Variants in ARPC1B observed in about 807,000 individuals in gnomAD.
The protein encoded by ARPC1B is actin related protein 2/3 complex subunit 1B.
A neutral mutation model predicts 46.0 loss-of-function variants in ARPC1B; 29 were observed. That is an observed-to-expected ratio of 0.63 (90% CI 0.47 to 0.86). The LOEUF (loss-of-function observed/expected upper bound fraction) is 0.86, where lower values mean the gene tolerates loss of function less well. Ranked by LOEUF, ARPC1B falls within the 40% of genes least tolerant of loss-of-function variation. The probability of loss-of-function intolerance (pLI) is 0.00; values close to 1 mark genes in which losing one functional copy is unlikely to be tolerated. For synonymous variants in ARPC1B, 201 were observed against 213.9 expected, an observed-to-expected ratio of 0.94 and a Z score of 0.53; for missense variants, 469 against 529.4, an observed-to-expected ratio of 0.89 and a Z score of 1.12.
chr7:99,380,539 T>G (rs938869468), intron 1 of ARPC1B, among the ~76,000 whole-genome samples: 1 of 152,208 alleles, frequency 6.6e-6, no homozygotes, highest in African/African-American at 2.4e-5. Flanking sequence ...GTCACTAGTG[T>G]ACCACTGTGG....
chr7:99,375,663 A>T (rs944883401), intron 1 of ARPC1B, among the ~76,000 whole-genome samples: 2 of 152,170 alleles, frequency 1.3e-5, no homozygotes, highest in African/African-American at 4.8e-5. Flanking sequence ...TGGCTCACAC[A>T]TAGAATCCTA....
At position 99,374,778 on chromosome 7, in the gene ARPC1B, G is replaced by T. The variant is rs2150882314; in HGVS notation, c.-17G>T. On this transcript the variant is annotated 5_prime_UTR_variant, in exon 1 of 10. Transcript: ENST00000646101. This position sits in a 1 kb window ranked among gnomAD's most constrained non-coding sequence, Gnocchi z 5.0. ...GCCCAGAGTCCGCGGCCGGGGCGCG[G>T]GAGGTGAGGGCCGTGGGGGCGCCCG... 1 of 152,130 alleles carries T rather than the reference G, an allele frequency of 6.6e-6. No individual in the cohort carries two copies. The highest frequency in any genetic ancestry group is 1.5e-5 in the Non-Finnish European group (1 of 68,016). The allele number at this position is 152,130 out of a possible 1,614,324, so 9.4% of individuals were successfully genotyped here. A position where few individuals can be genotyped will look rare whatever the true frequency, so the allele number is the denominator to read the frequency against.
chr7:99,379,384 T>C (rs1794140078), intron 1 of ARPC1B, among the ~76,000 whole-genome samples: 1 of 152,120 alleles, frequency 6.6e-6, no homozygotes, highest in South Asian at 2.1e-4. Context: ...TGACCCAGCA[T>C]AGGAAGTTGA....
rs960643003 is a variant in ARPC1B, at chr7:99,385,753, C to G, written c.39C>G (p.Cys13Trp). ...GCTTCCTGGTGGAGCCCATCAGCTG[C>G]CACGCCTGGAACAAGGACCGCACCC... ...YHSFLVEPISCHAWNKDRTQI... is the reference protein window; with the variant it reads ...YHSFLVEPISWHAWNKDRTQI... The change falls in exon 2 of 10, where the codon TGC becomes TGG. Residue 13 changes from cysteine (C) to tryptophan (W), a missense_variant. By Grantham distance (215) the Cys-to-Trp change is radical. Transcript: ENST00000646101. The G allele has an allele frequency of 1.2e-6, 2 of 1,610,896 alleles. No individual in the cohort carries two copies. The highest frequency in any genetic ancestry group is 1.7e-6 in the Non-Finnish European group (2 of 1,179,418).
Position 99,394,035 on chromosome 7 carries a change from C to G in ARPC1B, c.996C>G (p.Ile332Met), listed in dbSNP as rs1349002459. 52 of 1,612,950 alleles carry G rather than the reference C, an allele frequency of 3.2e-5. No individual in the cohort carries two copies. The highest frequency in any genetic ancestry group is 4.4e-5 in the Non-Finnish European group (52 of 1,180,028). ...CTCCTCTTCCTCTTTGCAGCCAGAT[C>G]TCGGTGCTCAGCGGCGGCAAGGCCA... ...DSLHKNSVSQ[I>M]SVLSGGKAKC... is the part of the protein sequence containing the mutation. The change falls in exon 9 of 10, where the codon ATC becomes ATG. Residue 332 changes from isoleucine (I) to methionine (M), a missense_variant. Coordinates refer to ENST00000646101, the MANE Select transcript of ARPC1B (RefSeq NM_005720.4).
chr7:99,391,550 G>A (rs1253882714), intron 7 of ARPC1B, among the ~76,000 whole-genome samples: 1 of 151,932 alleles, frequency 6.6e-6, no homozygotes, highest in African/African-American at 2.4e-5. Context: ...TTTGAGACCA[G>A]CCCGGGCAAC....
chr7:99,385,722 A>C lies in ARPC1B; in HGVS notation c.8A>C (p.Tyr3Ser). Residue 3 changes from tyrosine (Y) to serine (S), a missense_variant, in exon 2 of 10, where the codon TAC becomes TCC. By Grantham distance (144) the Tyr-to-Ser change is moderately radical. Transcript: ENST00000646101. The part of the protein sequence containing the change: MA[Y>S]HSFLVEPISC... ...CACAGGAGCCAAGCCGCCATGGCCT[A>C]CCACAGCTTCCTGGTGGAGCCCATC... The C allele has an allele frequency of 6.2e-7, 1 of 1,610,728 alleles. No individual in the cohort carries two copies. Among genetic ancestry groups the C allele is most frequent in the Non-Finnish European group, 8.5e-7 (1 of 1,179,356 alleles).
chr7:99,394,468 G>A lies in ARPC1B; in HGVS notation c.1098G>A (p.Leu366=). The change falls in exon 10 of 10, where the codon TTG becomes TTA. Residue 366 remains leucine (L), a synonymous_variant. Transcript: ENST00000646101. ...IWDVKSLESA[L]KDLKIK Reference sequence around the variant, plus strand: ...CCCTGCAGAGCTTGGAGTCAGCCTTGAAGGACCTCAAGATCAAATGACCTG... The same window carrying A: ...CCCTGCAGAGCTTGGAGTCAGCCTTAAAGGACCTCAAGATCAAATGACCTG... 9 of 1,614,116 alleles carry A rather than the reference G, an allele frequency of 5.6e-6. No individual in the cohort carries two copies. The highest frequency in any genetic ancestry group is 7.6e-6 in the Non-Finnish European group (9 of 1,180,024).
chr7:99,389,784 C>T, intron 4 of ARPC1B, 121 bp from the exon 5 acceptor site: 2 of 853,406 alleles, frequency 2.3e-6, no homozygotes, highest in Non-Finnish European at 3.8e-6. Context: ...GCCCAGTCGC[C>T]TCTCTCCTGG....
intron 1 of ARPC1B, among the ~76,000 whole-genome samples, chr7:99,385,485 AAGG>A (rs1217454583): frequency 1.3e-5 from 2 of 152,002 alleles, no homozygotes; most frequent in Non-Finnish European, 2.9e-5. Context: ...GCCCTTTTAT[AAGG>A]AGGGAAACTG....
chr7:99,385,051 C>T (rs1043031739), intron 1 of ARPC1B, among the ~76,000 whole-genome samples: 21 of 149,258 alleles, frequency 1.4e-4, no homozygotes, highest in Non-Finnish European at 2.7e-4. Flanking sequence ...CTGCAAGCCC[C>T]GCCTCCCAAG....
intron 1 of ARPC1B, among the ~76,000 whole-genome samples, chr7:99,384,537 G>T (rs188938359): frequency 6.6e-6 from 1 of 152,308 alleles, no homozygotes; most frequent in East Asian, 1.9e-4. Context: ...CACAGAGAGA[G>T]ACCCTGTCTC....
intron 5 of ARPC1B, 171 bp from the exon 6 acceptor site, chr7:99,390,722 C>T: frequency 4.1e-6 from 2 of 489,988 alleles, no homozygotes; most frequent in Non-Finnish European, 7.0e-6. Context: ...TTTTTTGAGA[C>T]AGTCTCACTC....
In ARPC1B at chr7:99,380,177, G is replaced by A. The variant is rs549226849; in HGVS notation, c.-14+5396G>A. Among the ~76,000 whole-genome samples, 211 of 152,312 alleles carry A rather than the reference G, an allele frequency of 1.4e-3. 1 individual carries two copies. The highest frequency in any genetic ancestry group is 3.8e-3 in the Admixed American group (58 of 15,296). ...ACGCTGGCTCACGCAGGCTTGGTAG[G>A]TGAGAGGTTTTCCTGAGGATGATGA... On this transcript the variant is annotated intron_variant, in intron 1 of 9. Transcript: ENST00000646101.
chr7:99,393,134 G>A (rs771790973), intron 8 of ARPC1B, among the ~76,000 whole-genome samples: 3 of 152,250 alleles, frequency 2.0e-5, no homozygotes, highest in Non-Finnish European at 4.4e-5. Context: ...GCGTGGGGCG[G>A]AGGCCGGCAG....
chr7:99,385,804 G>T, intron 2 of ARPC1B, 26 bp downstream of exon 2: 1 of 1,596,726 alleles, frequency 6.3e-7, no homozygotes. Context: ...GGGCCGGTGG[G>T]TGGCTGCTTC....
chr7:99,390,096 T>G, intron 5 of ARPC1B, 84 bp downstream of exon 5: 14 of 1,250,480 alleles, frequency 1.1e-5, no homozygotes, highest in Non-Finnish European at 1.3e-5. Flanking sequence ...CTGAAAGCTC[T>G]ACACCCCAGC....
chr7:99,383,190 G>C (rs1291349743), intron 1 of ARPC1B, among the ~76,000 whole-genome samples: 1 of 152,064 alleles, frequency 6.6e-6, no homozygotes, highest in Non-Finnish European at 1.5e-5. Flanking sequence ...GGCTGGGTAG[G>C]GTGGCGTGAG....
intron 8 of ARPC1B, 125 bp from the exon 9 acceptor site, chr7:99,393,904 C>T: frequency 2.2e-6 from 2 of 906,628 alleles, no homozygotes; most frequent in Admixed American, 1.8e-5. Flanking sequence ...AAGCCCACTA[C>T]ACCCCCTCGG....
Sources: allele counts gnomAD v4.1 joint callset (sites outside exome capture counted in the v4.1 genomes callset), GRCh38; gene constraint gnomAD v4.1.1; non-coding constraint Gnocchi (gnomAD v3.1); transcripts MANE v1.5; gene names NCBI Gene and HGNC (gene_info 2026-07-23, HGNC 2026-07-21).